The following MSRA variants were observed in gnomAD, a reference collection of about 807,000 sequenced individuals.
MSRA encodes methionine sulfoxide reductase A.
A neutral mutation model predicts 31.3 loss-of-function variants in MSRA; 54 were observed. The observed-to-expected ratio is 1.73, with a 90% CI of 1.39 to 2.17. The LOEUF (loss-of-function observed/expected upper bound fraction) is 2.17. Among genes scored for constraint, MSRA ranks in the 30% most tolerant of loss-of-function variants. The pLI, the probability that MSRA is intolerant of heterozygous loss-of-function variation, is 0.00. For synonymous variants in MSRA, 169 were observed against 116.5 expected, an observed-to-expected ratio of 1.45 and a Z score of -2.90; for missense variants, 507 against 300.9, an observed-to-expected ratio of 1.69 and a Z score of -5.07.
At chr8:10,066,852 G>T (rs893574457) in intron 1 of MSRA, among the ~76,000 whole-genome samples, 2 of 150,738 alleles carry the variant, frequency 1.3e-5, no homozygotes, top group Non-Finnish European at 3.0e-5. Context: ...TATATCTTTA[G>T]TATGTTCTTT....
intron 1 of MSRA, among the ~76,000 whole-genome samples, chr8:10,112,445 A>C (rs1223679388): frequency 1.3e-5 from 2 of 152,232 alleles, no homozygotes; most frequent in African/African-American, 4.8e-5. Flanking sequence ...ACGGCCAGTT[A>C]AAAATGCCTG....
At chr8:10,390,707 A>G (rs1324135549) in intron 5 of MSRA, among the ~76,000 whole-genome samples, 2 of 152,120 alleles carry the variant, frequency 1.3e-5, no homozygotes, top group African/African-American at 4.8e-5. Flanking sequence ...GTATTACCTC[A>G]TTTAACCCTG....
chr8:10,122,142 T>C (rs1801164269), intron 1 of MSRA, among the ~76,000 whole-genome samples: 2 of 152,130 alleles, frequency 1.3e-5, no homozygotes. Flanking sequence ...CCCAGCATGC[T>C]GCTGGTGTTG....
intron 3 of MSRA, among the ~76,000 whole-genome samples, chr8:10,272,651 T>C (rs1383622339): frequency 6.6e-6 from 1 of 152,202 alleles, no homozygotes; most frequent in East Asian, 1.9e-4. Context: ...ACACATAAAA[T>C]TAACCCTCAC....
At chr8:10,195,200 C>G (rs996103946) in intron 1 of MSRA, among the ~76,000 whole-genome samples, 1 of 152,204 alleles carries the variant, frequency 6.6e-6, no homozygotes, top group Non-Finnish European at 1.5e-5. Flanking sequence ...TATGGAAGCT[C>G]AACTGGGATG....
chr8:10,269,950 C>A (rs945825865), intron 3 of MSRA, among the ~76,000 whole-genome samples: 6 of 152,238 alleles, frequency 3.9e-5, no homozygotes, highest in Admixed American at 3.3e-4. Flanking sequence ...CGTGCCTGGC[C>A]TGCTACCGCT....
At chr8:10,111,073 A>C (rs1219295423) in intron 1 of MSRA, among the ~76,000 whole-genome samples, 6 of 152,164 alleles carry the variant, frequency 3.9e-5, no homozygotes, top group Non-Finnish European at 5.9e-5. Context: ...TGTGTGCTTG[A>C]TTTGACCAAG....
intron 5 of MSRA, among the ~76,000 whole-genome samples, chr8:10,418,208 T>G (rs1808598321): frequency 6.6e-6 from 1 of 152,110 alleles, no homozygotes; most frequent in Middle Eastern, 3.2e-3. Flanking sequence ...CTTTGGTGGG[T>G]GTAGGGGATG....
intron 5 of MSRA, among the ~76,000 whole-genome samples, chr8:10,425,049 C>T (rs1360408822): frequency 1.3e-5 from 2 of 152,154 alleles, no homozygotes; most frequent in African/African-American, 4.8e-5. Context: ...CGAAGGGGGA[C>T]CAGGAAGACA....
intron 5 of MSRA, among the ~76,000 whole-genome samples, chr8:10,384,885 C>G (rs1407356270): frequency 6.6e-6 from 1 of 151,998 alleles, no homozygotes; most frequent in Non-Finnish European, 1.5e-5. Context: ...ACCTGCAGCC[C>G]CAGTTGCTCA....
At chr8:10,236,410 G>A (rs908398724) in intron 2 of MSRA, among the ~76,000 whole-genome samples, 1 of 152,192 alleles carries the variant, frequency 6.6e-6, no homozygotes, top group Non-Finnish European at 1.5e-5. Context: ...CTTTCTGGCT[G>A]TATGGAAGGT....
At chr8:10,311,168 A>G (rs772007342) in intron 4 of MSRA, among the ~76,000 whole-genome samples, 5 of 152,194 alleles carry the variant, frequency 3.3e-5, no homozygotes, top group Non-Finnish European at 7.4e-5. Context: ...CAGGAATGGC[A>G]GGCTGAGTTA....
At position 10,226,533 on chromosome 8, in the gene MSRA, G is replaced by C. The variant is rs922054660; in HGVS notation, c.212-18571G>C. On this transcript the variant is annotated intron_variant, in intron 2 of 5. Coordinates refer to ENST00000317173, the MANE Select transcript of MSRA (RefSeq NM_012331.5). ...ACCTACTGCAGTGTCATGGTCATTG[G>C]CTCATTGGAATTCCATAGATCTCCT... 5.3e-5 allele frequency among the ~76,000 whole-genome samples: 8 copies of C among 152,222 alleles called. No homozygotes were observed. In the East Asian group the frequency reaches 1.2e-3, roughly 22 times the overall value.
At chr8:10,287,933 C>T (rs895091440) in intron 3 of MSRA, among the ~76,000 whole-genome samples, 2 of 152,088 alleles carry the variant, frequency 1.3e-5, no homozygotes, top group African/African-American at 4.8e-5. Context: ...GTTTCTCTGC[C>T]CTCCTAGACT....
At chr8:10,389,130 A>C (rs979368336) in intron 5 of MSRA, among the ~76,000 whole-genome samples, 1 of 152,186 alleles carries the variant, frequency 6.6e-6, no homozygotes, top group East Asian at 1.9e-4. Context: ...TGAATGGGTT[A>C]AAACACTCAC....
chr8:10,423,789 C>G (rs558313549), intron 5 of MSRA, among the ~76,000 whole-genome samples: 31 of 152,326 alleles, frequency 2.0e-4, no homozygotes, highest in African/African-American at 7.2e-4. Context: ...TTCTCCCTCC[C>G]ACCATTCCTT....
chr8:10,355,608 C>T (rs976619068), intron 5 of MSRA, among the ~76,000 whole-genome samples: 1 of 152,102 alleles, frequency 6.6e-6, no homozygotes, highest in African/African-American at 2.4e-5. Context: ...CAGGGGAAGG[C>T]CTGTCCCTCT....
At chr8:10,330,815 C>A (rs1337853163) in intron 5 of MSRA, among the ~76,000 whole-genome samples, 3 of 152,180 alleles carry the variant, frequency 2.0e-5, no homozygotes, top group African/African-American at 7.2e-5. Flanking sequence ...TGAAGTGATA[C>A]AGCATATAAA....
chr8:10,267,417 A>T (rs763003206), intron 3 of MSRA, among the ~76,000 whole-genome samples: 1 of 152,118 alleles, frequency 6.6e-6, no homozygotes, highest in Non-Finnish European at 1.5e-5. Flanking sequence ...GTGTAGGGAT[A>T]TGTGGCTTTT....
Sources: allele counts gnomAD v4.1 joint callset (sites outside exome capture counted in the v4.1 genomes callset), GRCh38; gene constraint gnomAD v4.1.1; transcripts MANE v1.5; gene names NCBI Gene and HGNC (gene_info 2026-07-23, HGNC 2026-07-21).